Variants in PJA2 observed in about 807,000 individuals in gnomAD.
PJA2 encodes the protein E3 ubiquitin-protein ligase Praja-2.
Under a neutral mutation model 69.3 loss-of-function variants are expected in PJA2, and 25 were observed. That is an observed-to-expected ratio of 0.36 (90% confidence interval 0.26 to 0.50). The LOEUF is 0.50. PJA2 is among the 20% of genes least tolerant of loss of function. The probability of loss-of-function intolerance (pLI) is 0.96; values close to 1 mark genes in which losing one functional copy is unlikely to be tolerated. For missense variants in PJA2, 809 were observed against 830.2 expected (o/e 0.97, Z 0.31); for synonymous variants, 308 against 277.8 (o/e 1.11, Z -1.08).
At chr5:109,367,611 C>G (rs1582604306) in intron 5 of PJA2, among the ~76,000 whole-genome samples, 1 of 152,108 alleles carries the variant, frequency 6.6e-6, no homozygotes, top group East Asian at 1.9e-4. Flanking sequence ...ATCTTTTTAG[C>G]AAAGCAAGTA....
intron 7 of PJA2, among the ~76,000 whole-genome samples, chr5:109,346,004 T>C (rs1258536000): frequency 6.6e-6 from 1 of 152,226 alleles, no homozygotes; most frequent in African/African-American, 2.4e-5. Context: ...TTGGTGCACA[T>C]GCTGCTTCCC....
chr5:109,358,055 C>T lies in PJA2; in HGVS notation c.1653-2029G>A, dbSNP rs115452322. Reference sequence around the variant, plus strand: ...GGCTGTAATCCCTGTTGGGAACAGGCCCTCCCAAAATCTGGCCATAAACTG... The same window carrying T: ...GGCTGTAATCCCTGTTGGGAACAGGTCCTCCCAAAATCTGGCCATAAACTG... On this transcript the variant is annotated intron_variant, in intron 6 of 9. Transcript: ENST00000361189. Among the ~76,000 whole-genome samples the T allele has an allele frequency of 7.0e-3, 1,061 of 152,264 alleles. 12 individuals carry two copies. The highest frequency in any genetic ancestry group is 0.024 in the African/African-American group (1,003 of 41,544).
At chr5:109,385,098 A>G (rs756324796) in intron 1 of PJA2, among the ~76,000 whole-genome samples, 1 of 152,218 alleles carries the variant, frequency 6.6e-6, no homozygotes, top group Non-Finnish European at 1.5e-5. Context: ...TACAGGCATG[A>G]GCCACAGTGC....
intron 1 of PJA2, among the ~76,000 whole-genome samples, chr5:109,404,248 C>T (rs552254031): frequency 1.1e-4 from 16 of 152,028 alleles, no homozygotes; most frequent in Non-Finnish European, 1.8e-4. Context: ...CGGCTGGGCG[C>T]GGTGGCTCAC....
chr5:109,395,869 A>T (rs1747394618), intron 1 of PJA2, among the ~76,000 whole-genome samples: 1 of 151,972 alleles, frequency 6.6e-6, no homozygotes, highest in Non-Finnish European at 1.5e-5. Flanking sequence ...GTGTGGAGGC[A>T]CATGCCTGTA....
intron 4 of PJA2, among the ~76,000 whole-genome samples, chr5:109,369,628 T>A (rs1490956219): frequency 1.3e-5 from 2 of 152,206 alleles, no homozygotes; most frequent in African/African-American, 4.8e-5. Flanking sequence ...GTTAACTGTC[T>A]TTTTCCTTCC....
rs1561345792 is a variant in PJA2 at position 109,354,134 on chromosome 5, C to CTATAGATTAGATATCTATATCAAGAGA, written c.1764+1780_1764+1781insTCTCTTGATATAGATATCTAATCTATA. ...GATTAGATATCTATGGTATCTAGAG[C>CTATAGATTAGATATCTATATCAAGAGA]TGTCTATAGATTAGATATCTATGAT... On this transcript the variant is annotated intron_variant, in intron 7 of 9. Coordinates refer to ENST00000361189, the MANE Select transcript of PJA2 (RefSeq NM_014819.5). Among the ~76,000 whole-genome samples, 21 of 49,950 alleles carry CTATAGATTAGATATCTATATCAAGAGA rather than the reference C, an allele frequency of 4.2e-4. 1 individual carries two copies. The highest frequency in any genetic ancestry group is 9.3e-4 in the Non-Finnish European group (17 of 18,266). The allele number at this position is 49,950 out of a possible 152,430, so 32.8% of individuals were successfully genotyped here.
intron 7 of PJA2, 77 bp from the exon 8 acceptor site, chr5:109,344,896 A>C: frequency 1.2e-6 from 1 of 865,932 alleles, no homozygotes; most frequent in Non-Finnish European, 1.9e-6. Flanking sequence ...GGGTATCTCC[A>C]AAATTATATC....
chr5:109,354,153 C>T (rs1762349146), intron 7 of PJA2, among the ~76,000 whole-genome samples: 1 of 116,322 alleles, frequency 8.6e-6, no homozygotes. Flanking sequence ...GATTAGATAT[C>T]TATGATATCT....
intron 4 of PJA2, among the ~76,000 whole-genome samples, chr5:109,374,312 T>C (rs1746779718): frequency 6.6e-6 from 1 of 152,200 alleles, no homozygotes; most frequent in South Asian, 2.1e-4. Context: ...GAAAACAAGA[T>C]AAAAAGGTTT....
chr5:109,360,988 T>C (rs1245891471), intron 6 of PJA2, among the ~76,000 whole-genome samples: 2 of 151,640 alleles, frequency 1.3e-5, no homozygotes, highest in African/African-American at 2.4e-5. Flanking sequence ...ATTAGCCAGG[T>C]GTGGTGGCAG....
chr5:109,338,418 T>C (rs544312670), intron 9 of PJA2, among the ~76,000 whole-genome samples: 38 of 152,212 alleles, frequency 2.5e-4, no homozygotes, highest in South Asian at 6.2e-4. Flanking sequence ...GGTGGACAGA[T>C]TGCCTGAGCT....
chr5:109,354,066 GAGATATCTATAGATT>G (rs1762343855), intron 7 of PJA2, among the ~76,000 whole-genome samples: 1 of 130,728 alleles, frequency 7.6e-6, no homozygotes, highest in African/African-American at 3.1e-5. Context: ...ATGATATCTA[GAGATATCTATAGATT>G]AGATATCTAT....
At chr5:109,387,739 C>A (rs1054399965) in intron 1 of PJA2, among the ~76,000 whole-genome samples, 5 of 152,136 alleles carry the variant, frequency 3.3e-5, no homozygotes, top group African/African-American at 1.2e-4. Flanking sequence ...TCTGGACAGA[C>A]AATAGGAATC....
chr5:109,401,262 C>G (rs528595238), intron 1 of PJA2, among the ~76,000 whole-genome samples: 1 of 151,914 alleles, frequency 6.6e-6, no homozygotes, highest in South Asian at 2.1e-4. Flanking sequence ...CCAACCTGGG[C>G]GACAGAGTGA....
chr5:109,337,292 G>A lies in PJA2; in HGVS notation c.2066C>T (p.Pro689Leu), dbSNP rs868584296. 6.2e-7 allele frequency: 1 copy of A among 1,613,654 alleles called. No individual in the cohort carries two copies. The change falls in exon 10 of 10, where the codon CCT becomes CTT. Residue 689 changes from proline to leucine, a missense_variant. Coordinates refer to ENST00000361189, the MANE Select transcript of PJA2 (RefSeq NM_014819.5). ...GGCATCAGGATCAGGCTCAGAGGAA[G>A]GAGCTGCAGATGCTTCAATAACCGC... is the stretch of plus-strand genomic sequence containing the variant. ...PPAVIEASAAPSSEPDPDAPP... is the reference protein window; with the variant it reads ...PPAVIEASAALSSEPDPDAPP...
At chr5:109,397,997 G>T (rs1747457394) in intron 1 of PJA2, among the ~76,000 whole-genome samples, 1 of 152,132 alleles carries the variant, frequency 6.6e-6, no homozygotes, top group South Asian at 2.1e-4. Context: ...TGAAGGATAG[G>T]AACAGACACT....
intron 1 of PJA2, among the ~76,000 whole-genome samples, chr5:109,385,465 G>C (rs965666026): frequency 2.0e-5 from 3 of 152,208 alleles, no homozygotes; most frequent in Non-Finnish European, 4.4e-5. Flanking sequence ...TTCAATTAAT[G>C]TAGGAAAAAT....
chr5:109,354,811 G>A (rs979790920), intron 7 of PJA2, among the ~76,000 whole-genome samples: 7 of 150,786 alleles, frequency 4.6e-5, no homozygotes, highest in African/African-American at 1.7e-4. Context: ...TATCTAACTT[G>A]TCAATCTAAA....
Sources: allele counts gnomAD v4.1 joint callset (sites outside exome capture counted in the v4.1 genomes callset), GRCh38; gene constraint gnomAD v4.1.1; transcripts MANE v1.5; gene names NCBI Gene and HGNC (gene_info 2026-07-23, HGNC 2026-07-21).